Variants in KCNIP1 observed in about 807,000 individuals in gnomAD.
The protein encoded by KCNIP1 is potassium voltage-gated channel interacting protein 1, also known as A-type potassium channel modulatory protein KCNIP1.
A neutral mutation model predicts 33.0 loss-of-function variants in KCNIP1; 18 were observed. That is an observed-to-expected ratio of 0.55 (90% CI 0.38 to 0.81). The LOEUF is 0.81. KCNIP1 is among the 30% of genes least tolerant of loss of function. The pLI is 0.00. For missense variants in KCNIP1, 238 were observed against 271.6 expected (o/e 0.88, Z 0.87); for synonymous variants, 93 against 98.3 (o/e 0.95, Z 0.32).
chr5:170,634,656 C>A (rs1486525331), intron 1 of KCNIP1, among the ~76,000 whole-genome samples: 1 of 152,180 alleles, frequency 6.6e-6, no homozygotes, highest in East Asian at 1.9e-4. Flanking sequence ...GAGCCCCAGG[C>A]TCTTCAATGG....
chr5:170,390,493 A>C, intron 1 of KCNIP1, among the ~76,000 whole-genome samples: 2 of 120,504 alleles, frequency 1.7e-5, no homozygotes, highest in African/African-American at 3.5e-5. Flanking sequence ...ACAGAGCGAG[A>C]CCCCGTCTCA....
chr5:170,426,772 G>A (rs78526398), intron 1 of KCNIP1, among the ~76,000 whole-genome samples: 7,854 of 152,356 alleles, frequency 0.052, 292 homozygotes, highest in East Asian at 0.16. Context: ...TTCTGGGAAA[G>A]CATCTGCTTC....
chr5:170,551,116 G>C (rs1399353570), intron 1 of KCNIP1, among the ~76,000 whole-genome samples: 2 of 152,078 alleles, frequency 1.3e-5, no homozygotes, highest in Non-Finnish European at 2.9e-5. Context: ...CCTTTTTTGT[G>C]TTCTTCTCTA....
chr5:170,668,682 T>C (rs573706132), intron 1 of KCNIP1, among the ~76,000 whole-genome samples: 3 of 152,330 alleles, frequency 2.0e-5, no homozygotes, highest in Non-Finnish European at 2.9e-5. Flanking sequence ...GGTGTGCCAC[T>C]CCTTACTAGT....
At chr5:170,465,302 C>T (rs1256520349) in intron 1 of KCNIP1, among the ~76,000 whole-genome samples, 1 of 152,158 alleles carries the variant, frequency 6.6e-6, no homozygotes, top group African/African-American at 2.4e-5. Context: ...GGGAGAAAAC[C>T]CAGCCTGCCC....
At chr5:170,472,334 G>A (rs1001720188) in intron 1 of KCNIP1, among the ~76,000 whole-genome samples, 14 of 152,240 alleles carry the variant, frequency 9.2e-5, no homozygotes, top group Non-Finnish European at 1.8e-4. Context: ...CGCTGGGGCG[G>A]CGCCTGCCCC....
At chr5:170,626,617 G>A (rs1490024893) in intron 1 of KCNIP1, among the ~76,000 whole-genome samples, 1 of 152,216 alleles carries the variant, frequency 6.6e-6, no homozygotes, top group Non-Finnish European at 1.5e-5. Flanking sequence ...ACCAGGTGTG[G>A]AGAAGAGGCT....
chr5:170,690,188 A>G (rs1762674891), intron 1 of KCNIP1, among the ~76,000 whole-genome samples: 1 of 152,270 alleles, frequency 6.6e-6, no homozygotes, highest in South Asian at 2.1e-4. Flanking sequence ...TTTTCTCCAA[A>G]GCTTCCTCAC....
At chr5:170,520,514 T>TCATTGGAACTGACAACA (rs1308547440) in intron 1 of KCNIP1, among the ~76,000 whole-genome samples, 1 of 152,192 alleles carries the variant, frequency 6.6e-6, no homozygotes. Context: ...GCCTCGCACA[T>TCATTGGAACTGACAACA]CATTGGAACT....
In KCNIP1 at chr5:170,432,029, T is replaced by C. The variant is rs77380923; in HGVS notation, c.88+78065T>C. ...ATCTCTCTCTCTCTCTGTGTCTCTC[T>C]CTTTCTCTTTTTTTTTTTTTCACAT... On this transcript the variant is annotated intron_variant, in intron 1 of 7. Coordinates refer to the KCNIP1 transcript ENST00000377360. Among the ~76,000 whole-genome samples the C allele has an allele frequency of 1.0e-3, 150 of 149,666 alleles. 3 individuals carry two copies. The East Asian group carries it at 0.025, about 25-fold the overall frequency.
chr5:170,364,821 A>G (rs1763613739), intron 1 of KCNIP1, among the ~76,000 whole-genome samples: 2 of 152,216 alleles, frequency 1.3e-5, no homozygotes, highest in Non-Finnish European at 1.5e-5. Flanking sequence ...GTCTTGATAC[A>G]CACATAGATA....
intron 1 of KCNIP1, among the ~76,000 whole-genome samples, chr5:170,541,142 TG>T (rs1319211248): frequency 1.4e-4 from 22 of 152,176 alleles, no homozygotes; most frequent in Non-Finnish European, 1.2e-4. Context: ...CTCTGAGCCT[TG>T]GTTTCCCATC....
chr5:170,473,175 T>C (rs1756774669), intron 1 of KCNIP1, among the ~76,000 whole-genome samples: 2 of 152,224 alleles, frequency 1.3e-5, no homozygotes, highest in Non-Finnish European at 2.9e-5. Flanking sequence ...ATTTCCCTTA[T>C]CATTAGTGAT....
chr5:170,354,179 G>C (rs1001598558), intron 1 of KCNIP1, among the ~76,000 whole-genome samples: 3 of 152,212 alleles, frequency 2.0e-5, no homozygotes, highest in Non-Finnish European at 2.9e-5. Context: ...TAATTGCCTG[G>C]AACTTTGGAA....
chr5:170,722,173 G>A (rs1763847559), intron 4 of KCNIP1, among the ~76,000 whole-genome samples: 1 of 152,080 alleles, frequency 6.6e-6, no homozygotes, highest in Non-Finnish European at 1.5e-5. Flanking sequence ...CTGTACTTAG[G>A]GCTTTGTATG....
intron 1 of KCNIP1, among the ~76,000 whole-genome samples, chr5:170,450,751 T>A (rs1036618325): frequency 4.6e-5 from 7 of 152,190 alleles, no homozygotes; most frequent in African/African-American, 1.7e-4. Flanking sequence ...CTATCGGTTT[T>A]CAGAATGTCT....
intron 1 of KCNIP1, among the ~76,000 whole-genome samples, chr5:170,505,584 G>A (rs1001170096): frequency 8.5e-5 from 13 of 152,226 alleles, no homozygotes; most frequent in Admixed American, 5.9e-4. Flanking sequence ...ACAGGTGGGA[G>A]TTAAGCTCCT....
At chr5:170,517,069 A>G (rs1365758061) in intron 1 of KCNIP1, among the ~76,000 whole-genome samples, 1 of 152,074 alleles carries the variant, frequency 6.6e-6, no homozygotes, top group Non-Finnish European at 1.5e-5. Flanking sequence ...GTAAAGAACT[A>G]CCTGAGACTG....
chr5:170,646,580 G>T (rs1167900202), intron 1 of KCNIP1, among the ~76,000 whole-genome samples: 1 of 152,090 alleles, frequency 6.6e-6, no homozygotes, highest in Non-Finnish European at 1.5e-5. Context: ...AAGGAATAGA[G>T]GGGAATTTTC....
Sources: gnomAD v4.1 joint callset for allele counts (sites outside exome capture counted in the v4.1 genomes callset) on GRCh38, gnomAD v4.1.1 for gene constraint, MANE v1.5 for transcripts, NCBI Gene and HGNC (gene_info 2026-07-23, HGNC 2026-07-21) for gene names.